MGAT4C: variants seen among roughly 807,000 people sequenced by gnomAD.
MGAT4C encodes MGAT4 family member C, also known as alpha-1,3-mannosyl-glycoprotein 4-beta-N-acetylglucosaminyltransferase C.
MGAT4C carries 19 observed loss-of-function variants against 40.1 expected under a neutral mutation model. The observed-to-expected ratio is 0.47, with a 90% confidence interval of 0.33 to 0.70. The LOEUF (loss-of-function observed/expected upper bound fraction) is 0.70. Among genes scored for constraint, MGAT4C ranks in the 30% least tolerant of loss-of-function variants. The probability of loss-of-function intolerance (pLI) is 0.02; values close to 1 mark genes in which losing one functional copy is unlikely to be tolerated. For missense variants in MGAT4C, 491 were observed against 563.2 expected, an observed-to-expected ratio of 0.87 and a Z score of 1.30; for synonymous variants, 181 against 187.1, an observed-to-expected ratio of 0.97 and a Z score of 0.27.
intron 3 of MGAT4C, among the ~76,000 whole-genome samples, chr12:86,397,069 C>T (rs1205756656): frequency 8.0e-6 from 1 of 125,658 alleles, no homozygotes; most frequent in Non-Finnish European, 1.7e-5. Context: ...TGGAGGCCTG[C>T]ATTTTATTAT....
intron 2 of MGAT4C, among the ~76,000 whole-genome samples, chr12:86,033,357 C>A (rs751590456): frequency 6.7e-6 from 1 of 149,514 alleles, no homozygotes; most frequent in African/African-American, 2.4e-5. Flanking sequence ...GGCAGTATGG[C>A]TATTTTAAAA....
chr12:86,270,443 C>T (rs1952916556), intron 4 of MGAT4C, among the ~76,000 whole-genome samples: 1 of 152,124 alleles, frequency 6.6e-6, no homozygotes, highest in Non-Finnish European at 1.5e-5. Context: ...CAGCCCCTAG[C>T]AACCACAATT....
chr12:86,043,117 G>T (rs1892038395), intron 2 of MGAT4C, among the ~76,000 whole-genome samples: 1 of 152,044 alleles, frequency 6.6e-6, no homozygotes, highest in South Asian at 2.1e-4. Flanking sequence ...TGAATATTGT[G>T]TCCTCTCTAG....
At chr12:86,415,847 T>G (rs1166954350) in intron 3 of MGAT4C, among the ~76,000 whole-genome samples, 1 of 152,050 alleles carries the variant, frequency 6.6e-6, no homozygotes, top group Non-Finnish European at 1.5e-5. Flanking sequence ...TGTGTTCAAC[T>G]GTAGCAAATG....
Position 86,120,614 on chromosome 12 carries a change from TAC to T in MGAT4C, c.-56-70893_-56-70892del, listed in dbSNP as rs559118529. On this transcript the variant is annotated intron_variant, in intron 1 of 4. Transcript: ENST00000611864. ...GCTGTTCTGCAGCCTCTGCTGGTGA[TAC>T]CCTGGGAAACAGGGTCTGGAGTGGA... 7.0e-3 allele frequency among the ~76,000 whole-genome samples: 1,060 copies of T among 152,314 alleles called. 6 individuals carry two copies. Among genetic ancestry groups the T allele is most frequent in the Admixed American group, 0.014 (209 of 15,292 alleles).
At chr12:86,772,275 G>C (rs779682117) in intron 1 of MGAT4C, among the ~76,000 whole-genome samples, 1 of 152,154 alleles carries the variant, frequency 6.6e-6, no homozygotes, top group Non-Finnish European at 1.5e-5. Flanking sequence ...TGAATTGCAT[G>C]GTAGGCCAGA....
intron 2 of MGAT4C, among the ~76,000 whole-genome samples, chr12:86,582,138 T>C (rs987794241): frequency 6.6e-6 from 1 of 151,470 alleles, no homozygotes; most frequent in Non-Finnish European, 1.5e-5. Flanking sequence ...CTAGAAAGCA[T>C]TATTATTAAT....
chr12:86,669,019 C>A (rs1320790960), intron 2 of MGAT4C, among the ~76,000 whole-genome samples: 1 of 152,112 alleles, frequency 6.6e-6, no homozygotes, highest in Non-Finnish European at 1.5e-5. Flanking sequence ...GGCAGAACTC[C>A]AGGTATTTGG....
intron 1 of MGAT4C, among the ~76,000 whole-genome samples, chr12:86,168,448 TGA>T (rs1174393728): frequency 6.6e-6 from 1 of 152,116 alleles, no homozygotes; most frequent in Non-Finnish European, 1.5e-5. Flanking sequence ...AAATTCATAT[TGA>T]GAGATATTGT....
At chr12:86,742,529 T>C (rs1363546276) in intron 1 of MGAT4C, among the ~76,000 whole-genome samples, 1 of 151,468 alleles carries the variant, frequency 6.6e-6, no homozygotes, top group Non-Finnish European at 1.5e-5. Context: ...GTTTGCCATT[T>C]TTGCTGTAGT....
intron 1 of MGAT4C, among the ~76,000 whole-genome samples, chr12:86,050,976 C>G (rs2136967656): frequency 1.3e-5 from 2 of 152,138 alleles, no homozygotes; most frequent in South Asian, 4.1e-4. Context: ...AGAGACCCAA[C>G]TATAGATCCC....
At chr12:86,683,504 A>G (rs1225282116) in intron 2 of MGAT4C, among the ~76,000 whole-genome samples, 1 of 152,128 alleles carries the variant, frequency 6.6e-6, no homozygotes, top group Non-Finnish European at 1.5e-5. Flanking sequence ...CTGCCATTTG[A>G]CAAATACTTG....
chr12:86,439,228 C>G (rs1391988746), intron 2 of MGAT4C, among the ~76,000 whole-genome samples: 1 of 151,908 alleles, frequency 6.6e-6, no homozygotes, highest in East Asian at 1.9e-4. Flanking sequence ...TAACAAACCA[C>G]AAAGCAATTC....
chr12:86,604,259 T>G (rs954415058), intron 2 of MGAT4C, among the ~76,000 whole-genome samples: 7 of 152,088 alleles, frequency 4.6e-5, no homozygotes, highest in East Asian at 3.9e-4. Flanking sequence ...TTTACCAAAG[T>G]TCAATGCTAG....
chr12:86,050,767 C>T (rs1246334256), intron 1 of MGAT4C, among the ~76,000 whole-genome samples: 1 of 151,992 alleles, frequency 6.6e-6, no homozygotes, highest in Non-Finnish European at 1.5e-5. Context: ...GTAGCTTCCA[C>T]AGACAGCAAG....
chr12:86,315,574 C>T (rs992674685), intron 4 of MGAT4C, among the ~76,000 whole-genome samples: 9 of 151,990 alleles, frequency 5.9e-5, no homozygotes, highest in Non-Finnish European at 8.8e-5. Context: ...GGCGTGGTGG[C>T]GGGCGCCTGT....
At chr12:86,731,360 T>G (rs373685932) in intron 1 of MGAT4C, among the ~76,000 whole-genome samples, 3 of 152,082 alleles carry the variant, frequency 2.0e-5, no homozygotes, top group African/African-American at 7.2e-5. Flanking sequence ...CACAGTGGTT[T>G]TCTCTAAGAA....
At position 85,976,268 on chromosome 12, in the gene MGAT4C, AT is replaced by A. The variant is rs1883975240; in HGVS notation, c.*3020del. On this transcript the variant is annotated 3_prime_UTR_variant, in exon 5 of 5. Transcript: ENST00000611864. ...CAAATTATATTTTCATACCTGGAAA[AT>A]ATCTACTTTATAAATAGCACAAAGT... 1 of 151,090 alleles carries A rather than the reference AT, an allele frequency of 6.6e-6. No homozygotes were observed. Among genetic ancestry groups the A allele is most frequent in the South Asian group, 2.1e-4 (1 of 4,830 alleles). The allele number at this position is 151,090 out of a possible 1,614,324, so 9.4% of individuals were successfully genotyped here.
At chr12:86,420,881 GTA>G (rs1369635979) in intron 3 of MGAT4C, among the ~76,000 whole-genome samples, 1 of 144,278 alleles carries the variant, frequency 6.9e-6, no homozygotes, top group African/African-American at 2.5e-5. Context: ...ATACATACAT[GTA>G]TATGTGTATA....
Sources: allele counts gnomAD v4.1 joint callset (sites outside exome capture counted in the v4.1 genomes callset), GRCh38; gene constraint gnomAD v4.1.1; transcripts MANE v1.5; gene names NCBI Gene and HGNC (gene_info 2026-07-23, HGNC 2026-07-21).